The following ATP2B2 variants were observed in gnomAD, a reference collection of about 807,000 sequenced individuals.
ATP2B2 encodes plasma membrane calcium-transporting ATPase 2.
A neutral mutation model predicts 120.0 loss-of-function variants in ATP2B2; 15 were observed. The observed-to-expected ratio is 0.12, with a 90% CI of 0.08 to 0.19. The LOEUF is 0.19. Ranked by LOEUF, ATP2B2 falls within the 10% of genes least tolerant of loss-of-function variation. The pLI is 1.00. For synonymous variants in ATP2B2, 694 were observed against 700.3 expected (o/e 0.99, Z 0.14); for missense variants, 1,045 against 1,719.8 (o/e 0.61, Z 6.94).
At chr3:10,493,254 G>A (rs780003003) in intron 1 of ATP2B2, among the ~76,000 whole-genome samples, 3 of 152,158 alleles carry the variant, frequency 2.0e-5, no homozygotes, top group Non-Finnish European at 4.4e-5. Context: ...TAGGTGAGGG[G>A]GTGGGGGAGC....
At chr3:10,351,789 C>A (rs994841322) in intron 14 of ATP2B2, among the ~76,000 whole-genome samples, 1 of 152,172 alleles carries the variant, frequency 6.6e-6, no homozygotes, top group Non-Finnish European at 1.5e-5. Flanking sequence ...AAAGGAGATG[C>A]CATGCAGAAA....
intron 16 of ATP2B2, among the ~76,000 whole-genome samples, chr3:10,348,098 A>G (rs2060478822): frequency 6.6e-6 from 1 of 151,620 alleles, no homozygotes; most frequent in Admixed American, 6.6e-5. Context: ...CCCCACCCAC[A>G]TGTGCCACCC....
chr3:10,439,255 A>G (rs895686275), intron 2 of ATP2B2, among the ~76,000 whole-genome samples: 2 of 152,224 alleles, frequency 1.3e-5, no homozygotes, highest in African/African-American at 2.4e-5. Context: ...CTGAGCCTGG[A>G]CAAGCCTCAG....
chr3:10,635,805 T>C lies in ATP2B2; in HGVS notation c.-459-15844A>G, dbSNP rs922980813. Among the ~76,000 whole-genome samples, 3 of 152,066 alleles carry C rather than the reference T, an allele frequency of 2.0e-5. No individual in the cohort carries two copies. The highest frequency in any genetic ancestry group is 7.2e-5 in the African/African-American group (3 of 41,412). ...CTGGAGTCAGCAAATGATCCCCTGG[T>C]GGGTATTTCATAAAGCACTCCCTGG... is the stretch of plus-strand genomic sequence containing the variant. On this transcript the variant is annotated intron_variant, in intron 1 of 21. Transcript: ENST00000646379. This position sits in a 1 kb window ranked among gnomAD's most constrained non-coding sequence, Gnocchi z 4.3.
chr3:10,659,236 A>C (rs1233408956), intron 1 of ATP2B2, among the ~76,000 whole-genome samples: 3 of 152,254 alleles, frequency 2.0e-5, no homozygotes, highest in Non-Finnish European at 4.4e-5. Flanking sequence ...TCAAATTCAC[A>C]CATAACAATA....
intron 1 of ATP2B2, among the ~76,000 whole-genome samples, chr3:10,656,412 T>C (rs1022242296): frequency 5.3e-5 from 8 of 152,150 alleles, no homozygotes; most frequent in African/African-American, 1.7e-4. Context: ...TTCCTTCCTT[T>C]CCCCTCAGGA....
intron 1 of ATP2B2, among the ~76,000 whole-genome samples, chr3:10,652,105 G>C (rs1452791045): frequency 6.6e-6 from 1 of 152,026 alleles, no homozygotes; most frequent in African/African-American, 2.4e-5. Flanking sequence ...CCAGATAATG[G>C]GGCTATTTTT....
chr3:10,352,390 C>T (rs1040837575), intron 14 of ATP2B2, among the ~76,000 whole-genome samples: 3 of 152,248 alleles, frequency 2.0e-5, no homozygotes, highest in African/African-American at 7.2e-5. Flanking sequence ...CAAGAGGAAA[C>T]CCGCAGTTCT....
In ATP2B2 at chr3:10,440,693, G is replaced by A. The variant is rs181938130; in HGVS notation, c.199+8652C>T. Among the ~76,000 whole-genome samples, 5 of 152,312 alleles carry A rather than the reference G, an allele frequency of 3.3e-5. No individual in the cohort carries two copies. In the East Asian group the frequency reaches 9.6e-4, roughly 29 times the overall value. ...CTGATTTTGTCCCCAATCAGGTGGG[G>A]ATCACTCCTCCTTCATCAACCTTTA... On this transcript the variant is annotated intron_variant, in intron 2 of 22. Transcript: ENST00000360273.
chr3:10,350,395 C>T lies in ATP2B2; in HGVS notation c.2316+3G>A, dbSNP rs1460509264. The T allele has an allele frequency of 2.5e-6, 4 of 1,614,250 alleles. No homozygotes were observed. In the Admixed American group the frequency reaches 5.0e-5, roughly 20 times the overall value. Reference sequence around the variant, plus strand: ...TGAGGATGCTTTACGTTGGGACACGCACCTCCCCCTTCTCGTTGCGGATCC... The same window carrying T: ...TGAGGATGCTTTACGTTGGGACACGTACCTCCCCCTTCTCGTTGCGGATCC... On this transcript the variant is annotated splice_donor_region_variant and intron_variant, in intron 15 of 22. Coordinates refer to ENST00000360273, the MANE Select transcript of ATP2B2 (RefSeq NM_001001331.4).
chr3:10,698,891 G>A (rs1346761968), intron 1 of ATP2B2, among the ~76,000 whole-genome samples: 2 of 152,244 alleles, frequency 1.3e-5, no homozygotes, highest in Admixed American at 6.5e-5. Context: ...AAGGGACTGT[G>A]CACATAGAAG....
intron 3 of ATP2B2, 86 bp downstream of exon 3, chr3:10,410,532 T>G: frequency 7.0e-6 from 10 of 1,436,576 alleles, no homozygotes; most frequent in African/African-American, 1.4e-5. Flanking sequence ...GAGGAGAGGA[T>G]TATTTGTGTG....
chr3:10,365,842 G>GTCGTA (rs2061037060), intron 12 of ATP2B2, among the ~76,000 whole-genome samples: 1 of 410 alleles, frequency 2.4e-3, no homozygotes, highest in Non-Finnish European at 8.3e-3. Flanking sequence ...TGTGCATGAT[G>GTCGTA]GGTGGTGTAT....
At chr3:10,338,403 A>G in intron 21 of ATP2B2, 45 bp from the exon 22 acceptor site, 2 of 1,610,266 alleles carry the variant, frequency 1.2e-6, no homozygotes, top group Non-Finnish European at 8.5e-7. Context: ...TGTCCTTCCC[A>G]GTGGCCTTCT....
intron 7 of ATP2B2, 110 bp downstream of exon 7, chr3:10,386,370 G>A (rs949485588): frequency 7.9e-7 from 1 of 1,261,648 alleles, no homozygotes; most frequent in African/African-American, 1.5e-5. Flanking sequence ...GCCACCCACA[G>A]GCATGTGGCC....
chr3:10,577,704 T>C (rs2068286219), intron 2 of ATP2B2, among the ~76,000 whole-genome samples: 2 of 152,178 alleles, frequency 1.3e-5, no homozygotes, highest in Non-Finnish European at 2.9e-5. Flanking sequence ...AAGAACAATC[T>C]TTCTTGGCAA....
At position 10,386,524 on chromosome 3, in the gene ATP2B2, T is replaced by C; in HGVS notation, c.908-12A>G. On this transcript the variant is annotated splice_polypyrimidine_tract_variant and intron_variant, in intron 6 of 22. Coordinates refer to ENST00000360273, the MANE Select transcript of ATP2B2 (RefSeq NM_001001331.4). ...CCCCTTCTTCACACCTGTGTGATGA[T>C]TTTTGAGACATGTTAATGAAGGAGA... 3.7e-6 allele frequency: 6 copies of C among 1,614,072 alleles called. No homozygotes were observed. The highest frequency in any genetic ancestry group is 3.4e-6 in the Non-Finnish European group (4 of 1,179,926).
At chr3:10,680,977 TAGTG>T (rs2071368590) in intron 1 of ATP2B2, among the ~76,000 whole-genome samples, 1 of 152,160 alleles carries the variant, frequency 6.6e-6, no homozygotes, top group South Asian at 2.1e-4. Flanking sequence ...TGTCCTCTTA[TAGTG>T]AGTGTGCTCT....
intron 2 of ATP2B2, among the ~76,000 whole-genome samples, chr3:10,438,988 C>A (rs1205566647): frequency 6.6e-6 from 1 of 152,190 alleles, no homozygotes; most frequent in African/African-American, 2.4e-5. Context: ...CCCCGCTAAA[C>A]CCGACCTTTG....
Sources: gnomAD v4.1 joint callset for allele counts (sites outside exome capture counted in the v4.1 genomes callset) on GRCh38, gnomAD v4.1.1 for gene constraint, Gnocchi (gnomAD v3.1) non-coding constraint, MANE v1.5 for transcripts, NCBI Gene and HGNC (gene_info 2026-07-23, HGNC 2026-07-21) for gene names.